Variants in HAT1 observed in about 807,000 individuals in gnomAD.
HAT1 encodes histone acetyltransferase 1, also known as histone acetyltransferase type B catalytic subunit.
A neutral mutation model predicts 56.6 loss-of-function variants in HAT1; 20 were observed. That is an observed-to-expected ratio of 0.35 (90% CI 0.25 to 0.51). HAT1 has a LOEUF of 0.51. Among genes scored for constraint, HAT1 ranks in the 20% least tolerant of loss-of-function variants. HAT1 has a pLI of 0.95. For synonymous variants in HAT1, 146 were observed against 165.5 expected (o/e 0.88, Z 0.91); for missense variants, 408 against 504.3 (o/e 0.81, Z 1.83).
Position 171,983,229 on chromosome 2 carries a change from A to G in HAT1, c.1137A>G (p.Pro379=), listed in dbSNP as rs373080311. 6.2e-7 allele frequency: 1 copy of G among 1,604,322 alleles called. No homozygotes were observed. The highest frequency in any genetic ancestry group is 8.5e-7 in the Non-Finnish European group (1 of 1,173,276). ...CTAAGATGAGAAAATGTCTCAGACC[A>G]GAAGAACTGACAAACCAGATGAACC... ...DLAKMRKCLR[P]EELTNQMNQI... Residue 379 remains proline (P), a synonymous_variant, in exon 11 of 11, where the codon CCA becomes CCG. Coordinates refer to ENST00000264108, the MANE Select transcript of HAT1 (RefSeq NM_003642.4).
intron 2 of HAT1, among the ~76,000 whole-genome samples, chr2:171,943,637 T>C (rs2105316666): frequency 6.6e-6 from 1 of 150,908 alleles, no homozygotes; most frequent in Admixed American, 6.6e-5. Context: ...TTTGCTTTAG[T>C]ATGTGTGTAT....
chr2:171,983,323 C>T lies in HAT1; in HGVS notation c.1231C>T (p.Arg411Cys), dbSNP rs775715888. The change falls in exon 11 of 11, where the codon CGT becomes TGT. Residue 411 changes from arginine to cysteine, a missense_variant. By Grantham distance (180) the Arg-to-Cys change is radical. Coordinates refer to ENST00000264108, the MANE Select transcript of HAT1 (RefSeq NM_003642.4). ...TCAGGAACTAGTGGAAGATTACCGGCGTGTTATTGAACGACTTGCTCAAGA... is the reference window on the plus strand; with the variant it reads ...TCAGGAACTAGTGGAAGATTACCGGTGTGTTATTGAACGACTTGCTCAAGA... ...SFQELVEDYRRVIERLAQE is the reference protein window; with the variant it reads ...SFQELVEDYRCVIERLAQE The T allele has an allele frequency of 3.0e-5, 48 of 1,607,642 alleles. No homozygotes were observed. Among genetic ancestry groups the T allele is most frequent in the Admixed American group, 6.8e-5 (4 of 59,022 alleles).
chr2:171,953,045 A>C, intron 4 of HAT1, 44 bp downstream of exon 4: 1 of 1,445,354 alleles, frequency 6.9e-7, no homozygotes, highest in Non-Finnish European at 9.5e-7. Flanking sequence ...AATTTAATTT[A>C]TTTTAAAATA....
chr2:171,924,828 A>T (rs1045221337), intron 1 of HAT1: 1 of 152,082 alleles, frequency 6.6e-6, no homozygotes, highest in Admixed American at 6.6e-5. Flanking sequence ...ACTTTTTCCA[A>T]TACTTAAAAT....
At chr2:171,977,181 AAG>A (rs1159975613) in intron 9 of HAT1, among the ~76,000 whole-genome samples, 1 of 150,330 alleles carries the variant, frequency 6.7e-6, no homozygotes, top group Non-Finnish European at 1.5e-5. Context: ...TCAAAAAAAA[AAG>A]AAATTTGTGT....
intron 2 of HAT1, among the ~76,000 whole-genome samples, chr2:171,931,055 C>G (rs540651540): frequency 6.6e-6 from 1 of 152,186 alleles, no homozygotes; most frequent in African/African-American, 2.4e-5. Context: ...CACGATCCCC[C>G]GTGAATACCA....
intron 2 of HAT1, among the ~76,000 whole-genome samples, chr2:171,937,603 A>C (rs1010257697): frequency 1.3e-5 from 2 of 152,226 alleles, no homozygotes; most frequent in Admixed American, 1.3e-4. Context: ...ATAGTATATA[A>C]GTGAGAAAGG....
chr2:171,922,465 C>G lies in HAT1; in HGVS notation c.-36C>G. ...CGGCCCGGGAGCGCGCGGGTTGATT[C>G]GTCCTTCCTCAGCCGCGGGTGATCG... On this transcript the variant is annotated 5_prime_UTR_variant, in exon 1 of 11. Coordinates refer to ENST00000264108, the MANE Select transcript of HAT1 (RefSeq NM_003642.4). 7.6e-7 allele frequency: 1 copy of G among 1,317,536 alleles called. No individual in the cohort carries two copies. The highest frequency in any genetic ancestry group is 9.8e-7 in the Non-Finnish European group (1 of 1,023,880). 81.6% of individuals were successfully genotyped at this position (1,317,536 alleles called of 1,614,324 possible).
At chr2:171,934,606 G>A (rs938361821) in intron 2 of HAT1, among the ~76,000 whole-genome samples, 3 of 152,160 alleles carry the variant, frequency 2.0e-5, no homozygotes, top group African/African-American at 7.2e-5. Context: ...AGTGGGAGGA[G>A]TGAGTAGACT....
At chr2:171,939,102 C>T (rs1230442085) in intron 2 of HAT1, among the ~76,000 whole-genome samples, 3 of 152,128 alleles carry the variant, frequency 2.0e-5, no homozygotes, top group Admixed American at 6.6e-5. Context: ...TATTCCAGCA[C>T]GGATAAAGTC....
intron 4 of HAT1, among the ~76,000 whole-genome samples, chr2:171,962,985 G>A (rs1204318705): frequency 1.3e-5 from 2 of 151,442 alleles, no homozygotes; most frequent in African/African-American, 2.4e-5. Flanking sequence ...TCTGAAAGAC[G>A]AATATTTTAA....
chr2:171,974,178 AAAAAAAAAAAAAAAGAAAAAAAGAAAAAG>A, intron 8 of HAT1, among the ~76,000 whole-genome samples: 2 of 101,698 alleles, frequency 2.0e-5, no homozygotes, highest in African/African-American at 7.1e-5. Flanking sequence ...TGTCTCAAAA[AAAAAAAAAAAAAAAGAAAAAAAGAAAAAG>A]AAAAAAAAAA....
At chr2:171,968,182 G>C (rs1243481145) in intron 8 of HAT1, among the ~76,000 whole-genome samples, 2 of 152,062 alleles carry the variant, frequency 1.3e-5, no homozygotes, top group Non-Finnish European at 1.5e-5. Context: ...ACTAAACTTC[G>C]TTTATAACAA....
At chr2:171,936,086 T>G (rs1163541229) in intron 2 of HAT1, among the ~76,000 whole-genome samples, 1 of 152,138 alleles carries the variant, frequency 6.6e-6, no homozygotes, top group Non-Finnish European at 1.5e-5. Flanking sequence ...ATCAAGGAAC[T>G]GCAAGGCTGG....
chr2:171,924,904 C>T (rs1341744253), intron 1 of HAT1: 5 of 151,982 alleles, frequency 3.3e-5, no homozygotes, highest in Admixed American at 3.3e-4. Context: ...ATGAAAAAGA[C>T]GACTTAGGTA....
chr2:171,943,769 T>C (rs1687088545), intron 2 of HAT1, among the ~76,000 whole-genome samples: 1 of 149,940 alleles, frequency 6.7e-6, no homozygotes, highest in African/African-American at 2.4e-5. Flanking sequence ...AATAGTGTTA[T>C]CACACTTAAG....
intron 6 of HAT1, 189 bp downstream of exon 6, chr2:171,966,097 T>C (rs1687677339): frequency 8.3e-6 from 5 of 599,076 alleles, no homozygotes; most frequent in Non-Finnish European, 1.5e-5. Context: ...AATTAAATGC[T>C]GTTGTCCGTT....
chr2:171,945,553 G>A (rs889169597), intron 2 of HAT1, among the ~76,000 whole-genome samples: 1 of 150,568 alleles, frequency 6.6e-6, no homozygotes, highest in African/African-American at 2.4e-5. Flanking sequence ...GAGTGCAGTG[G>A]CATGATCTTG....
intron 4 of HAT1, among the ~76,000 whole-genome samples, chr2:171,953,855 C>T (rs957797011): frequency 6.6e-6 from 1 of 151,494 alleles, no homozygotes; most frequent in African/African-American, 2.4e-5. Context: ...ATTAGCTGGG[C>T]GTGGTGGTAC....
Sources: allele counts gnomAD v4.1 joint callset (sites outside exome capture counted in the v4.1 genomes callset), GRCh38; gene constraint gnomAD v4.1.1; transcripts MANE v1.5; gene names NCBI Gene and HGNC (gene_info 2026-07-23, HGNC 2026-07-21).